Variants in OPCML observed in about 807,000 individuals in gnomAD.
The protein encoded by OPCML is opioid-binding protein/cell adhesion molecule.
Under a neutral mutation model 37.8 loss-of-function variants are expected in OPCML, and 13 were observed. The observed-to-expected ratio is 0.34, with a 90% CI of 0.22 to 0.55. OPCML has a LOEUF of 0.55. Among genes scored for constraint, OPCML ranks in the 20% least tolerant of loss-of-function variants. The probability of loss-of-function intolerance (pLI) is 0.91; values close to 1 mark genes in which losing one functional copy is unlikely to be tolerated. For synonymous variants in OPCML, 176 were observed against 168.8 expected (o/e 1.04, Z -0.33); for missense variants, 341 against 435.6 (o/e 0.78, Z 1.93).
chr11:132,591,531 A>G (rs1355911883), intron 3 of OPCML, among the ~76,000 whole-genome samples: 1 of 152,192 alleles, frequency 6.6e-6, no homozygotes, highest in Admixed American at 6.5e-5. Flanking sequence ...GGATCTAATG[A>G]TCTAATCACA....
chr11:132,953,495 T>C (rs973721731), intron 1 of OPCML, among the ~76,000 whole-genome samples: 9 of 152,292 alleles, frequency 5.9e-5, no homozygotes, highest in Non-Finnish European at 1.3e-4. Flanking sequence ...AGCCATACGA[T>C]AAAATCAGCC....
intron 1 of OPCML, among the ~76,000 whole-genome samples, chr11:133,453,412 G>C (rs1053047965): frequency 6.6e-6 from 1 of 152,130 alleles, no homozygotes; most frequent in South Asian, 2.1e-4. Context: ...AAAAGCATTT[G>C]TAATTTATTG....
chr11:132,427,012 C>G (rs1052203159), intron 7 of OPCML, among the ~76,000 whole-genome samples: 1 of 152,116 alleles, frequency 6.6e-6, no homozygotes, highest in Non-Finnish European at 1.5e-5. Context: ...ATATAACAAG[C>G]CATGAAGGTA....
intron 1 of OPCML, among the ~76,000 whole-genome samples, chr11:133,476,229 T>C (rs891793047): frequency 3.3e-5 from 5 of 152,188 alleles, no homozygotes; most frequent in Non-Finnish European, 7.3e-5. Context: ...GATGGAACTA[T>C]AAGTAGACAA....
At chr11:133,442,408 T>A (rs530913469) in intron 1 of OPCML, among the ~76,000 whole-genome samples, 23 of 152,316 alleles carry the variant, frequency 1.5e-4, no homozygotes, top group Admixed American at 1.4e-3. Flanking sequence ...GTTTAAAGCA[T>A]ACTACTTGAC....
In OPCML at chr11:133,017,821, C is replaced by T. The variant is rs537642649; in HGVS notation, c.62-74811G>A. 2.6e-5 allele frequency among the ~76,000 whole-genome samples: 4 copies of T among 152,238 alleles called. No homozygotes were observed. The South Asian group carries it at 8.3e-4, about 32-fold the overall frequency. The stretch of plus-strand genomic sequence containing the variant: ...GCAATTGGAGGAATAGTAACATACA[C>T]ACTCTAGGAGTGATCAAGGAATAGC... On this transcript the variant is annotated intron_variant, in intron 1 of 7. Coordinates refer to ENST00000524381, the MANE Select transcript of OPCML (RefSeq NM_001012393.5).
At chr11:133,240,233 A>C (rs1029856308) in intron 1 of OPCML, among the ~76,000 whole-genome samples, 3 of 151,604 alleles carry the variant, frequency 2.0e-5, no homozygotes, top group African/African-American at 7.3e-5. Context: ...AAAAAAAAAA[A>C]AACAGAGGGG....
chr11:132,540,078 CT>C (rs964026939), intron 3 of OPCML, among the ~76,000 whole-genome samples: 2 of 152,138 alleles, frequency 1.3e-5, no homozygotes, highest in African/African-American at 4.8e-5. Flanking sequence ...GAAAATGAAA[CT>C]GGCTAGGGAG....
At chr11:132,840,414 C>A (rs1245041888) in intron 2 of OPCML, among the ~76,000 whole-genome samples, 1 of 152,202 alleles carries the variant, frequency 6.6e-6, no homozygotes, top group African/African-American at 2.4e-5. Context: ...AGGCGCTGGG[C>A]CCAGGCTTGC....
chr11:132,916,175 G>A (rs2725453), intron 2 of OPCML, among the ~76,000 whole-genome samples: 50 of 152,150 alleles, frequency 3.3e-4, no homozygotes, highest in African/African-American at 1.2e-3. Flanking sequence ...ATTTCTAATT[G>A]ATGGTAACAT....
intron 1 of OPCML, among the ~76,000 whole-genome samples, chr11:133,045,142 C>T (rs961682883): frequency 1.8e-4 from 28 of 152,292 alleles, no homozygotes; most frequent in Non-Finnish European, 2.4e-4. Context: ...CACATACCCC[C>T]GGCTCTGCTC....
chr11:132,773,775 T>G (rs1019278697), intron 2 of OPCML, among the ~76,000 whole-genome samples: 4 of 152,190 alleles, frequency 2.6e-5, no homozygotes, highest in Non-Finnish European at 4.4e-5. Context: ...ATTATCAGCC[T>G]CCTCTGGCTG....
chr11:133,226,363 T>C (rs472551), intron 1 of OPCML, among the ~76,000 whole-genome samples: 94,524 of 152,132 alleles, frequency 0.62, 29,697 homozygotes, highest in Non-Finnish European at 0.65. Context: ...GTTAGGGGTG[T>C]TCCACTCCAG....
At chr11:133,263,554 G>A (rs1324983950) in intron 1 of OPCML, among the ~76,000 whole-genome samples, 2 of 152,132 alleles carry the variant, frequency 1.3e-5, no homozygotes, top group African/African-American at 4.8e-5. Flanking sequence ...TTTGCACAGT[G>A]ATGAAATTGT....
At chr11:132,880,045 T>A (rs1943169577) in intron 2 of OPCML, among the ~76,000 whole-genome samples, 1 of 152,174 alleles carries the variant, frequency 6.6e-6, no homozygotes, top group Non-Finnish European at 1.5e-5. Flanking sequence ...ACTAAGCTCC[T>A]TCTCCCTCAC....
chr11:133,209,319 C>G (rs1939253066), intron 1 of OPCML, among the ~76,000 whole-genome samples: 1 of 152,106 alleles, frequency 6.6e-6, no homozygotes, highest in African/African-American at 2.4e-5. Flanking sequence ...ATTATAGAAC[C>G]AGACAAGTTT....
At chr11:133,489,666 C>T (rs926066182) in intron 1 of OPCML, among the ~76,000 whole-genome samples, 2 of 152,026 alleles carry the variant, frequency 1.3e-5, no homozygotes, top group East Asian at 1.9e-4. Context: ...CCATTCAATC[C>T]ATCAACCCCA....
chr11:133,339,604 T>G (rs889379788), intron 1 of OPCML, among the ~76,000 whole-genome samples: 4 of 152,170 alleles, frequency 2.6e-5, no homozygotes, highest in African/African-American at 9.7e-5. Flanking sequence ...GCCTTCCCCT[T>G]CTTTGAATCT....
chr11:132,478,813 G>T (rs2096166773), intron 4 of OPCML, among the ~76,000 whole-genome samples: 1 of 152,174 alleles, frequency 6.6e-6, no homozygotes, highest in African/African-American at 2.4e-5. Context: ...TCAAGAGGCT[G>T]AAGAAAGGCT....
Sources: allele counts gnomAD v4.1 joint callset (sites outside exome capture counted in the v4.1 genomes callset), GRCh38; gene constraint gnomAD v4.1.1; transcripts MANE v1.5; gene names NCBI Gene and HGNC (gene_info 2026-07-23, HGNC 2026-07-21).